UBLCP1: variants seen among roughly 807,000 people sequenced by gnomAD.
UBLCP1 encodes ubiquitin-like domain-containing CTD phosphatase 1.
In UBLCP1, 28 loss-of-function variants were observed where a neutral mutation model predicts 42.4. That is an observed-to-expected ratio of 0.66 (90% CI 0.49 to 0.90). The LOEUF (loss-of-function observed/expected upper bound fraction) is 0.90. Ranked by LOEUF, UBLCP1 falls within the 40% of genes least tolerant of loss-of-function variation. The pLI is 0.00. For missense variants in UBLCP1, 279 were observed against 374.5 expected (o/e 0.75, Z 2.10); for synonymous variants, 122 against 120.8 (o/e 1.01, Z -0.07).
At chr5:159,270,675 GT>G in intron 5 of UBLCP1, 32 bp downstream of exon 5, 1 of 1,340,680 alleles carries the variant, frequency 7.5e-7, no homozygotes, top group Non-Finnish European at 1.0e-6. Context: ...TTCATTTTCT[GT>G]TACCCACAAC....
In UBLCP1 at chr5:159,270,523, A is replaced by C. The variant is rs1230818078; in HGVS notation, c.333-5A>C. The C allele has an allele frequency of 6.2e-7, 1 of 1,607,528 alleles. No homozygotes were observed. Among genetic ancestry groups the C allele is most frequent in the East Asian group, 2.2e-5 (1 of 44,722 alleles). On this transcript the variant is annotated splice_region_variant and splice_polypyrimidine_tract_variant and intron_variant, in intron 4 of 10. Coordinates refer to ENST00000296786, the MANE Select transcript of UBLCP1 (RefSeq NM_145049.5). Reference sequence around the variant, plus strand: ...TATTTTATCTAATTATATGTTTTCCATTAGGGAAGAAAACCTACTGAAAAT... The same window carrying C: ...TATTTTATCTAATTATATGTTTTCCCTTAGGGAAGAAAACCTACTGAAAAT...
chr5:159,273,186 C>T (rs1753492736), intron 6 of UBLCP1, among the ~76,000 whole-genome samples: 1 of 152,112 alleles, frequency 6.6e-6, no homozygotes, highest in African/African-American at 2.4e-5. Context: ...ATATAATTTT[C>T]TGGTTTAGTA....
At chr5:159,275,346 G>A (rs1444712486) in intron 8 of UBLCP1, 100 bp downstream of exon 8, 1 of 709,674 alleles carries the variant, frequency 1.4e-6, no homozygotes, top group African/African-American at 1.9e-5. Flanking sequence ...AGATTCATCT[G>A]AGTGAATAAT....
chr5:159,274,551 C>A, intron 6 of UBLCP1, 34 bp from the exon 7 acceptor site: 1 of 1,574,286 alleles, frequency 6.4e-7, no homozygotes, highest in African/African-American at 1.4e-5. Context: ...TCAAGCTTTT[C>A]ATATGTATTG....
intron 9 of UBLCP1, among the ~76,000 whole-genome samples, chr5:159,278,842 G>A (rs1417332961): frequency 6.6e-6 from 1 of 152,122 alleles, no homozygotes; most frequent in Non-Finnish European, 1.5e-5. Flanking sequence ...CAAGTGCTGG[G>A]ATTACAGGCA....
rs186928973 is a variant in UBLCP1, at chr5:159,283,639, G to A, written c.929+300G>A. Among the ~76,000 whole-genome samples the A allele has an allele frequency of 5.1e-3, 780 of 152,170 alleles. 7 individuals are homozygous for A. The highest frequency in any genetic ancestry group is 0.018 in the African/African-American group (739 of 41,538). ...TAAATTATTTTGTGATGTTAGGTAA[G>A]CTACTCCTTTATGAATCACATGGAA... On this transcript the variant is annotated intron_variant, in intron 10 of 10. Transcript: ENST00000296786.
In UBLCP1 at chr5:159,285,849, T is replaced by TA. The variant is rs1336549836; in HGVS notation, c.*925dup. 6.5e-6 allele frequency: 1 copy of TA among 152,722 alleles called. No homozygotes were observed. Among genetic ancestry groups the TA allele is most frequent in the Non-Finnish European group, 1.5e-5 (1 of 68,002 alleles). The allele number at this position is 152,722 out of a possible 1,614,324, so 9.5% of individuals were successfully genotyped here. A position where few individuals can be genotyped will look rare whatever the true frequency, so the allele number is the denominator to read the frequency against. On this transcript the variant is annotated 3_prime_UTR_variant, in exon 11 of 11. Coordinates refer to ENST00000296786, the MANE Select transcript of UBLCP1 (RefSeq NM_145049.5). Reference sequence around the variant, plus strand: ...CAGTGAAAATATCTAGCCATAAGATTAAAAAAATATATTATTTGCAATGCT... The same window carrying TA: ...CAGTGAAAATATCTAGCCATAAGATTAAAAAAAATATATTATTTGCAATGCT...
At chr5:159,263,381 C>T (rs537722720) in intron 1 of UBLCP1, 21 bp downstream of exon 1, 1 of 152,404 alleles carries the variant, frequency 6.6e-6, no homozygotes, top group South Asian at 2.1e-4. Flanking sequence ...GCGGGGCACC[C>T]TGGCGCGCTG....
At chr5:159,264,043 A>G (rs1286529234) in intron 1 of UBLCP1, among the ~76,000 whole-genome samples, 3 of 152,162 alleles carry the variant, frequency 2.0e-5, no homozygotes, top group Non-Finnish European at 4.4e-5. Flanking sequence ...CACCATTTGT[A>G]TTGTGTTTTA....
At chr5:159,268,759 T>C in intron 1 of UBLCP1, 111 bp from the exon 2 acceptor site, 1 of 741,126 alleles carries the variant, frequency 1.3e-6, no homozygotes, top group Non-Finnish European at 2.0e-6. Flanking sequence ...ACAAAAATCC[T>C]CTCTATCATA....
chr5:159,270,822 C>G (rs1250615350), intron 5 of UBLCP1, among the ~76,000 whole-genome samples, 179 bp downstream of exon 5: 1 of 126,418 alleles, frequency 7.9e-6, no homozygotes, highest in Non-Finnish European at 1.8e-5. Context: ...AAAAAGTCAT[C>G]TGTAATCCTG....
intron 9 of UBLCP1, 34 bp from the exon 10 acceptor site, chr5:159,283,178 T>C: frequency 6.3e-7 from 1 of 1,578,010 alleles, no homozygotes; most frequent in Non-Finnish European, 8.6e-7. Context: ...CTTATCACAT[T>C]GTGATGTGTT....
chr5:159,270,743 G>A, intron 5 of UBLCP1, 100 bp downstream of exon 5: 4 of 678,846 alleles, frequency 5.9e-6, no homozygotes, highest in Non-Finnish European at 4.5e-6. Flanking sequence ...TGGTTCTCGT[G>A]AAATACTTGA....
intron 2 of UBLCP1, 109 bp from the exon 3 acceptor site, chr5:159,269,799 T>C: frequency 1.2e-6 from 1 of 827,372 alleles, no homozygotes; most frequent in Admixed American, 3.0e-5. Context: ...ACAACAAAAA[T>C]TGCTGTGACA....
intron 2 of UBLCP1, 123 bp from the exon 3 acceptor site, chr5:159,269,785 C>T: frequency 1.3e-6 from 1 of 767,236 alleles, no homozygotes; most frequent in Non-Finnish European, 2.1e-6. Flanking sequence ...TAGGAAAAAA[C>T]AAAACAACAA....
rs1391718336 is a variant in UBLCP1 at position 159,272,124 on chromosome 5, A to G, written c.547+3A>G. ...AGATTATGACATTGTTATTTGGTGT[A>G]AGCTGTATTTTTTTGTTTAGATTTC... On this transcript the variant is annotated splice_donor_region_variant and intron_variant, in intron 6 of 10. Coordinates refer to ENST00000296786, the MANE Select transcript of UBLCP1 (RefSeq NM_145049.5). The G allele has an allele frequency of 4.3e-6, 7 of 1,609,966 alleles. No individual in the cohort carries two copies. The highest frequency in any genetic ancestry group is 5.9e-6 in the Non-Finnish European group (7 of 1,177,426).
At chr5:159,275,588 T>C (rs191848271) in intron 8 of UBLCP1, among the ~76,000 whole-genome samples, 70 of 152,114 alleles carry the variant, frequency 4.6e-4, no homozygotes, top group Non-Finnish European at 6.5e-4. Context: ...TTTTTTCGTA[T>C]TTTCAGTAGA....
intron 10 of UBLCP1, among the ~76,000 whole-genome samples, chr5:159,284,300 C>T (rs753344968): frequency 8.5e-5 from 13 of 152,170 alleles, no homozygotes; most frequent in Non-Finnish European, 1.5e-4. Context: ...TCCCCATCCC[C>T]ACACCACCAA....
chr5:159,273,668 T>G (rs1421320286), intron 6 of UBLCP1, among the ~76,000 whole-genome samples: 2 of 152,150 alleles, frequency 1.3e-5, no homozygotes, highest in Non-Finnish European at 2.9e-5. Flanking sequence ...GGATTAAAAT[T>G]TTTTTCTATC....
Sources: gnomAD v4.1 joint callset for allele counts (sites outside exome capture counted in the v4.1 genomes callset) on GRCh38, gnomAD v4.1.1 for gene constraint, MANE v1.5 for transcripts, NCBI Gene and HGNC (gene_info 2026-07-23, HGNC 2026-07-21) for gene names.